CNTN5: variants seen among roughly 807,000 people sequenced by gnomAD.
CNTN5 encodes contactin-5.
Under a neutral mutation model 129.1 loss-of-function variants are expected in CNTN5, and 77 were observed. The observed-to-expected ratio is 0.60, with a 90% CI of 0.50 to 0.72. CNTN5 has a LOEUF of 0.72. Among genes scored for constraint, CNTN5 ranks in the 30% least tolerant of loss-of-function variants. The pLI, the probability that CNTN5 is intolerant of heterozygous loss-of-function variation, is 0.00. For missense variants in CNTN5, 1,478 were observed against 1,328.8 expected, an observed-to-expected ratio of 1.11 and a Z score of -1.75; for synonymous variants, 509 against 465.6, an observed-to-expected ratio of 1.09 and a Z score of -1.20.
intron 15 of CNTN5, among the ~76,000 whole-genome samples, chr11:100,208,467 A>G (rs1010654443): frequency 6.6e-6 from 1 of 152,128 alleles, no homozygotes. Context: ...TAAAGATCTC[A>G]GGGTTCTAAG....
intron 3 of CNTN5, among the ~76,000 whole-genome samples, chr11:99,583,800 T>G (rs1949700104): frequency 6.6e-6 from 1 of 152,152 alleles, no homozygotes; most frequent in South Asian, 2.1e-4. Context: ...CACCCTGCTT[T>G]GGCTCATGCA....
chr11:100,119,170 A>G (rs1470152204), intron 13 of CNTN5, among the ~76,000 whole-genome samples: 2 of 151,886 alleles, frequency 1.3e-5, no homozygotes, highest in Non-Finnish European at 2.9e-5. Context: ...CTAAACTTTT[A>G]TTTGGCTTGG....
chr11:99,961,206 G>GAGAAAAAAA lies in CNTN5; in HGVS notation c.877+4198_877+4199insGAAAAAAAA, dbSNP rs1555167359. ...GGCCATAGAGTGAGACTCCGTCTCA[G>GAGAAAAAAA]AAAAAAAAAAAAAAAAAAACAGTAG... On this transcript the variant is annotated intron_variant, in intron 8 of 24. Transcript: ENST00000524871. 2.1e-5 allele frequency among the ~76,000 whole-genome samples: 2 copies of GAGAAAAAAA among 95,720 alleles called. 1 individual carries two copies. The highest frequency in any genetic ancestry group is 4.0e-5 in the Non-Finnish European group (2 of 49,570). 62.8% of individuals were successfully genotyped at this position (95,720 alleles called of 152,430 possible).
At chr11:100,356,045 C>A in intron 24 of CNTN5, 72 bp from the exon 25 acceptor site, 1 of 1,008,034 alleles carries the variant, frequency 9.9e-7, no homozygotes, top group Non-Finnish European at 1.5e-6. Flanking sequence ...GTCTTACATA[C>A]TAAAAACAAT....
chr11:99,622,005 T>C (rs768181637), intron 3 of CNTN5, among the ~76,000 whole-genome samples: 11 of 152,172 alleles, frequency 7.2e-5, no homozygotes, highest in Non-Finnish European at 1.5e-4. Context: ...TCGTTTTATC[T>C]GGAACACTTT....
chr11:99,478,655 T>C (rs926965326), intron 2 of CNTN5, among the ~76,000 whole-genome samples: 1 of 152,076 alleles, frequency 6.6e-6, no homozygotes, highest in South Asian at 2.1e-4. Context: ...GGATTTTTTT[T>C]TGAGATGGTT....
At chr11:99,503,461 A>G (rs943961761) in intron 2 of CNTN5, among the ~76,000 whole-genome samples, 1 of 152,232 alleles carries the variant, frequency 6.6e-6, no homozygotes. Context: ...ACCACCTAAG[A>G]GCTATGCATT....
At position 100,061,364 on chromosome 11, in the gene CNTN5, A is replaced by G; in HGVS notation, c.1133A>G (p.Asn378Ser). ...ECRAENSRGK[N>S]SFRGQLQVYT... ...AGAGCTGAAAACTCACGTGGAAAAA[A>G]TTCCTTTCGTGGACAATTACAAGTA... is the stretch of plus-strand genomic sequence containing the variant. The change falls in exon 10 of 25, where the codon AAT becomes AGT. Residue 378 changes from asparagine to serine, a missense_variant. Coordinates refer to ENST00000524871, the MANE Select transcript of CNTN5 (RefSeq NM_014361.4). 1.3e-6 allele frequency: 2 copies of G among 1,599,364 alleles called. No homozygotes were observed. Among genetic ancestry groups the G allele is most frequent in the South Asian group, 1.1e-5 (1 of 89,826 alleles).
chr11:99,065,839 T>C (rs1209468287), intron 1 of CNTN5, among the ~76,000 whole-genome samples: 1 of 152,170 alleles, frequency 6.6e-6, no homozygotes, highest in African/African-American at 2.4e-5. Context: ...ACAGTGAATG[T>C]TGGACACATT....
At chr11:99,772,436 A>G (rs987455139) in intron 3 of CNTN5, among the ~76,000 whole-genome samples, 2 of 152,080 alleles carry the variant, frequency 1.3e-5, no homozygotes, top group Non-Finnish European at 2.9e-5. Flanking sequence ...ATGTTACAAC[A>G]AGGTGTCTTG....
In CNTN5 at chr11:100,034,732, C is replaced by T. The variant is rs756452713; in HGVS notation, c.981-26480C>T. 4.7e-4 allele frequency among the ~76,000 whole-genome samples: 71 copies of T among 152,174 alleles called. 1 individual carries two copies. The highest frequency in any genetic ancestry group is 1.6e-3 in the Admixed American group (24 of 15,272). On this transcript the variant is annotated intron_variant, in intron 9 of 24. Coordinates refer to ENST00000524871, the MANE Select transcript of CNTN5 (RefSeq NM_014361.4). The stretch of plus-strand genomic sequence containing the variant: ...CTTGCAATAGAGACTATCTGGTCCA[C>T]AAGCTTATATGTTTAGTGTGTCTTT...
chr11:99,534,847 T>C (rs562791921), intron 2 of CNTN5, among the ~76,000 whole-genome samples: 3 of 152,206 alleles, frequency 2.0e-5, no homozygotes, highest in Middle Eastern at 3.4e-3. Context: ...CTGGTAGTGA[T>C]AAGTCAACTA....
At position 99,760,391 on chromosome 11, in the gene CNTN5, A is replaced by G. The variant is rs550173092; in HGVS notation, c.56-59153A>G. The stretch of plus-strand genomic sequence containing the variant: ...TTACCTCTCTATATGGTGACTTCAG[A>G]GAATGATTTCAAAATAGGATATATG... On this transcript the variant is annotated intron_variant, in intron 3 of 24. Transcript: ENST00000524871. Among the ~76,000 whole-genome samples, 16 of 152,270 alleles carry G rather than the reference A, an allele frequency of 1.1e-4. 1 individual carries two copies. The South Asian group carries it at 3.3e-3, about 32-fold the overall frequency.
chr11:99,246,770 C>A (rs559233270), intron 1 of CNTN5, among the ~76,000 whole-genome samples: 1 of 152,134 alleles, frequency 6.6e-6, no homozygotes, highest in Non-Finnish European at 1.5e-5. Context: ...AAAATTCAGA[C>A]TGTGAAATTA....
At chr11:99,277,881 A>T (rs1337162560) in intron 1 of CNTN5, among the ~76,000 whole-genome samples, 1 of 151,738 alleles carries the variant, frequency 6.6e-6, no homozygotes, top group East Asian at 1.9e-4. Flanking sequence ...GACAGGGTTT[A>T]CAAAATTCCC....
At chr11:99,322,395 A>G (rs558737552) in intron 1 of CNTN5, among the ~76,000 whole-genome samples, 4 of 152,182 alleles carry the variant, frequency 2.6e-5, no homozygotes, top group Admixed American at 6.5e-5. Context: ...AGTAGAAAGA[A>G]CACAAAAAAT....
chr11:99,703,371 A>G (rs1954611221), intron 3 of CNTN5, among the ~76,000 whole-genome samples: 1 of 150,548 alleles, frequency 6.6e-6, no homozygotes, highest in Admixed American at 6.6e-5. Flanking sequence ...CTGAAGTGAT[A>G]TATATCTTCC....
intron 2 of CNTN5, among the ~76,000 whole-genome samples, chr11:99,424,325 G>C: frequency 6.6e-6 from 1 of 152,202 alleles, no homozygotes; most frequent in East Asian, 1.9e-4. Context: ...GCAGGACAAA[G>C]TGTCGTGGGA....
chr11:99,920,780 C>G (rs1949918175), intron 7 of CNTN5, among the ~76,000 whole-genome samples: 1 of 152,070 alleles, frequency 6.6e-6, no homozygotes, highest in Admixed American at 6.6e-5. Context: ...GAGCTTCACT[C>G]TCATGACTTG....
Sources: gnomAD v4.1 joint callset for allele counts (sites outside exome capture counted in the v4.1 genomes callset) on GRCh38, gnomAD v4.1.1 for gene constraint, MANE v1.5 for transcripts, NCBI Gene and HGNC (gene_info 2026-07-23, HGNC 2026-07-21) for gene names.